The following BNC2 variants were observed in gnomAD, a reference collection of about 807,000 sequenced individuals.
BNC2 encodes the protein basonuclin zinc finger protein 2, also known as zinc finger protein basonuclin-2.
A neutral mutation model predicts 76.3 loss-of-function variants in BNC2; 20 were observed. The observed-to-expected ratio is 0.26, with a 90% CI of 0.18 to 0.38. The LOEUF is 0.38. Among genes scored for constraint, BNC2 ranks in the 10% least tolerant of loss-of-function variants. The probability of loss-of-function intolerance (pLI) is 1.00; values close to 1 mark genes in which losing one functional copy is unlikely to be tolerated. For synonymous variants in BNC2, 582 were observed against 514.8 expected (o/e 1.13, Z -1.77); for missense variants, 1,382 against 1,399.8 (o/e 0.99, Z 0.20).
At chr9:16,543,787 T>C (rs1238212874) in intron 5 of BNC2, among the ~76,000 whole-genome samples, 1 of 152,152 alleles carries the variant, frequency 6.6e-6, no homozygotes, top group Non-Finnish European at 1.5e-5. Context: ...GGCCTCCCCA[T>C]CACGGTAACT....
At chr9:16,716,458 T>G (rs922964964) in intron 3 of BNC2, among the ~76,000 whole-genome samples, 1 of 152,178 alleles carries the variant, frequency 6.6e-6, no homozygotes, top group Non-Finnish European at 1.5e-5. Flanking sequence ...ATATCTACTT[T>G]TTTTTTACAT....
rs1820599664 is a variant in BNC2 at position 16,417,109 on chromosome 9, T to C, written c.*1880A>G. ...TGTGTACTGTTTGACAAAATATTCC[T>C]TGTTTATCTCTTCTTTTCCCCTCCA... On this transcript the variant is annotated 3_prime_UTR_variant, in exon 7 of 7. Coordinates refer to ENST00000380672, the MANE Select transcript of BNC2 (RefSeq NM_017637.6). The C allele has an allele frequency of 6.6e-6, 1 of 152,270 alleles. No homozygotes were observed. Among genetic ancestry groups the C allele is most frequent in the Admixed American group, 6.6e-5 (1 of 15,226 alleles). The allele number at this position is 152,270 out of a possible 1,614,324, so 9.4% of individuals were successfully genotyped here.
chr9:16,557,180 T>G (rs921009931), intron 4 of BNC2, among the ~76,000 whole-genome samples: 13 of 152,238 alleles, frequency 8.5e-5, no homozygotes, highest in Non-Finnish European at 1.8e-4. Context: ...TCTGCTGATG[T>G]GTCCCATACC....
intron 5 of BNC2, among the ~76,000 whole-genome samples, chr9:16,482,519 GT>G (rs1822079011): frequency 6.6e-6 from 1 of 152,108 alleles, no homozygotes; most frequent in South Asian, 2.1e-4. Flanking sequence ...TATTTTGACA[GT>G]TTAAATTGTA....
At chr9:16,759,014 T>G (rs930340232) in intron 1 of BNC2, among the ~76,000 whole-genome samples, 6 of 152,230 alleles carry the variant, frequency 3.9e-5, no homozygotes, top group Non-Finnish European at 8.8e-5. Flanking sequence ...GGAAATTTGT[T>G]CTGATTTTTA....
intron 1 of BNC2, chr9:16,832,471 A>G (rs1001913340): frequency 1.1e-5 from 2 of 180,082 alleles, no homozygotes; most frequent in African/African-American, 4.8e-5. Context: ...AGTGTAGGCA[A>G]TAGATGACAT....
intron 5 of BNC2, among the ~76,000 whole-genome samples, chr9:16,550,604 A>G (rs1266168711): frequency 6.6e-6 from 1 of 152,248 alleles, no homozygotes; most frequent in Non-Finnish European, 1.5e-5. Flanking sequence ...TGGCAAACCA[A>G]CATAGCCCTG....
chr9:16,437,589 T>C, intron 5 of BNC2, 65 bp from the exon 6 acceptor site: 2 of 1,555,752 alleles, frequency 1.3e-6, no homozygotes, highest in Non-Finnish European at 1.7e-6. Context: ...GCATAATTAT[T>C]CAATGCAACT....
intron 3 of BNC2, among the ~76,000 whole-genome samples, chr9:16,662,899 C>T (rs1267388107): frequency 6.6e-6 from 1 of 152,086 alleles, no homozygotes; most frequent in East Asian, 1.9e-4. Flanking sequence ...TAAACAAATG[C>T]TTTTAAAGTT....
intron 1 of BNC2, among the ~76,000 whole-genome samples, chr9:16,861,862 G>A (rs998614325): frequency 1.3e-5 from 2 of 152,148 alleles, no homozygotes; most frequent in Non-Finnish European, 2.9e-5. Flanking sequence ...GGTGGCGGGC[G>A]CCTGTAGTCC....
At chr9:16,570,061 A>AG (rs1819276915) in intron 4 of BNC2, among the ~76,000 whole-genome samples, 1 of 152,200 alleles carries the variant, frequency 6.6e-6, no homozygotes, top group Non-Finnish European at 1.5e-5. Flanking sequence ...GTAAGAAAAT[A>AG]ATCACCCTAC....
chr9:16,788,660 T>C (rs1445976113), intron 1 of BNC2, among the ~76,000 whole-genome samples: 2 of 151,692 alleles, frequency 1.3e-5, no homozygotes, highest in Non-Finnish European at 2.9e-5. Flanking sequence ...GGTGGTGATA[T>C]GGTAGGATAA....
intron 3 of BNC2, among the ~76,000 whole-genome samples, chr9:16,682,425 A>T (rs376947211): frequency 1.3e-5 from 2 of 151,888 alleles, no homozygotes; most frequent in East Asian, 3.9e-4. Flanking sequence ...TCCAGAAGTG[A>T]ATGCTGCAGG....
At chr9:16,816,758 T>C (rs1818193221) in intron 1 of BNC2, among the ~76,000 whole-genome samples, 1 of 152,140 alleles carries the variant, frequency 6.6e-6, no homozygotes, top group East Asian at 1.9e-4. Context: ...TACTCCAAAC[T>C]GGGAGGCTCA....
intron 3 of BNC2, among the ~76,000 whole-genome samples, chr9:16,724,564 G>T (rs1824257605): frequency 6.6e-6 from 1 of 151,928 alleles, no homozygotes; most frequent in Non-Finnish European, 1.5e-5. Context: ...AAATGTACAG[G>T]CACAGGAAAA....
At chr9:16,627,421 C>T (rs1044368759) in intron 3 of BNC2, among the ~76,000 whole-genome samples, 3 of 151,898 alleles carry the variant, frequency 2.0e-5, no homozygotes, top group Non-Finnish European at 2.9e-5. Flanking sequence ...GAATATGGTT[C>T]GGCCTGTGCA....
At chr9:16,740,261 CA>C (rs1824802475) in intron 1 of BNC2, among the ~76,000 whole-genome samples, 3 of 152,024 alleles carry the variant, frequency 2.0e-5, no homozygotes, top group Admixed American at 1.3e-4. Context: ...AAGAGCAAAC[CA>C]AAAGGCATGG....
At chr9:16,822,092 CAA>C (rs531393812) in intron 1 of BNC2, among the ~76,000 whole-genome samples, 413 of 32,550 alleles carry the variant, frequency 0.013, no homozygotes, top group African/African-American at 0.042. Flanking sequence ...GACTCCATCT[CAA>C]AAAAAAAAAA....
chr9:16,718,222 T>A (rs746411219), intron 3 of BNC2, among the ~76,000 whole-genome samples: 5 of 152,228 alleles, frequency 3.3e-5, no homozygotes, highest in Non-Finnish European at 7.3e-5. Context: ...CACAAGGCCC[T>A]TATTCCCATA....
Sources: allele counts gnomAD v4.1 joint callset (sites outside exome capture counted in the v4.1 genomes callset), GRCh38; gene constraint gnomAD v4.1.1; transcripts MANE v1.5; gene names NCBI Gene and HGNC (gene_info 2026-07-23, HGNC 2026-07-21).